The following NOL10 variants were observed in gnomAD, a reference collection of about 807,000 sequenced individuals.
The protein encoded by NOL10 is nucleolar protein 10.
A neutral mutation model predicts 103.5 loss-of-function variants in NOL10; 58 were observed. That is an observed-to-expected ratio of 0.56 (90% CI 0.45 to 0.70). NOL10 has a LOEUF of 0.70. NOL10 is among the 30% of genes least tolerant of loss of function. The pLI, the probability that NOL10 is intolerant of heterozygous loss-of-function variation, is 0.00. For synonymous variants in NOL10, 287 were observed against 282.5 expected (o/e 1.02, Z -0.16); for missense variants, 763 against 807.3 (o/e 0.95, Z 0.67).
At chr2:10,625,730 A>T (rs1677418377) in intron 13 of NOL10, among the ~76,000 whole-genome samples, 1 of 152,164 alleles carries the variant, frequency 6.6e-6, no homozygotes, top group Admixed American at 6.5e-5. Context: ...CCCCACAAAA[A>T]AAAAGCCTGG....
chr2:10,591,880 G>C (rs991967042), intron 17 of NOL10, among the ~76,000 whole-genome samples: 1 of 152,138 alleles, frequency 6.6e-6, no homozygotes, highest in East Asian at 1.9e-4. Context: ...GTGCATGCCT[G>C]TAGTCCCAGC....
intron 8 of NOL10, among the ~76,000 whole-genome samples, chr2:10,666,848 C>T (rs1055751989): frequency 6.6e-6 from 1 of 152,092 alleles, no homozygotes; most frequent in Admixed American, 6.5e-5. Context: ...CCAAACCATT[C>T]AAGTGTTACC....
intron 8 of NOL10, among the ~76,000 whole-genome samples, chr2:10,666,589 A>C (rs1392108116): frequency 6.6e-6 from 1 of 152,166 alleles, no homozygotes; most frequent in Non-Finnish European, 1.5e-5. Context: ...TTGGCCTCCC[A>C]AAGTGCTAGG....
intron 20 of NOL10, among the ~76,000 whole-genome samples, chr2:10,575,394 A>C (rs1467833452): frequency 6.6e-6 from 1 of 152,216 alleles, no homozygotes; most frequent in Non-Finnish European, 1.5e-5. Context: ...TGCCCGAATA[A>C]GTAAAGTTTA....
intron 8 of NOL10, among the ~76,000 whole-genome samples, chr2:10,664,845 T>G (rs560951009): frequency 3.3e-5 from 5 of 152,226 alleles, no homozygotes; most frequent in African/African-American, 1.2e-4. Context: ...AACATTTGTG[T>G]TTTTAAAAAA....
intron 13 of NOL10, among the ~76,000 whole-genome samples, chr2:10,619,161 T>C (rs2148216107): frequency 6.6e-6 from 1 of 152,274 alleles, no homozygotes; most frequent in Non-Finnish European, 1.5e-5. Flanking sequence ...ATTTATGTAT[T>C]TATGAGACAG....
intron 13 of NOL10, among the ~76,000 whole-genome samples, chr2:10,610,271 C>T (rs1676498448): frequency 1.3e-5 from 2 of 152,166 alleles, no homozygotes; most frequent in African/African-American, 2.4e-5. Context: ...AAGGTGAAGG[C>T]AGGAATACTA....
chr2:10,652,422 A>G (rs1679533805), intron 12 of NOL10, among the ~76,000 whole-genome samples: 1 of 152,060 alleles, frequency 6.6e-6, no homozygotes, highest in African/African-American at 2.4e-5. Flanking sequence ...AAGAAAAAAA[A>G]AAGCCATGGA....
In NOL10 at chr2:10,571,886, C is replaced by A; in HGVS notation, c.*185G>T. On this transcript the variant is annotated 3_prime_UTR_variant, in exon 21 of 21. Transcript: ENST00000381685. Reference sequence around the variant, plus strand: ...CACACCCCTGGGGCTGTGCGGTGGCCGTCGGCGGGGCCAGCTTCAAAGTCC... The same window carrying A: ...CACACCCCTGGGGCTGTGCGGTGGCAGTCGGCGGGGCCAGCTTCAAAGTCC... The A allele has an allele frequency of 1.6e-6, 1 of 624,352 alleles. No individual in the cohort carries two copies. Among genetic ancestry groups the A allele is most frequent in the Non-Finnish European group, 2.7e-6 (1 of 370,584 alleles). 38.7% of individuals were successfully genotyped at this position (624,352 alleles called of 1,614,324 possible).
intron 19 of NOL10, among the ~76,000 whole-genome samples, chr2:10,586,924 A>G (rs1377102717): frequency 1.3e-5 from 2 of 150,360 alleles, no homozygotes; most frequent in East Asian, 3.9e-4. Flanking sequence ...TTTTGGGGAT[A>G]TTCTAGGTTC....
In NOL10 at chr2:10,656,842, G is replaced by A. The variant is rs138349305; in HGVS notation, c.906+900C>T. 6.2e-3 allele frequency among the ~76,000 whole-genome samples: 938 copies of A among 152,254 alleles called. 10 individuals are homozygous for A. The highest frequency in any genetic ancestry group is 0.022 in the African/African-American group (918 of 41,540). ...AATGCAAAGAACTCTTAAAAACATA[G>A]CTATACTGAATGCATTTTTCCCATT... On this transcript the variant is annotated intron_variant, in intron 11 of 20. Transcript: ENST00000381685.
At position 10,572,104 on chromosome 2, in the gene NOL10, C is replaced by T. The variant is rs1383218954; in HGVS notation, c.2034G>A (p.Lys678=). 3 of 1,614,008 alleles carry T rather than the reference C, an allele frequency of 1.9e-6. No individual in the cohort carries two copies. The highest frequency in any genetic ancestry group is 2.5e-6 in the Non-Finnish European group (3 of 1,179,914). The change falls in exon 21 of 21, where the codon AAG becomes AAA. Residue 678 remains lysine (K), a synonymous_variant. Coordinates refer to ENST00000381685, the MANE Select transcript of NOL10 (RefSeq NM_024894.4). ...ACGACCGTCCTCTTTTGTGTCTTGA[C>T]TTCAGGTGTCCGGCCGAACGACGGA... ...KRLRRSAGHL[K]SRHKRGRSFH
At chr2:10,595,117 AG>A (rs1206177246) in intron 17 of NOL10, among the ~76,000 whole-genome samples, 1 of 123,228 alleles carries the variant, frequency 8.1e-6, no homozygotes, top group African/African-American at 2.9e-5. Flanking sequence ...GTAGGACTAC[AG>A]GCAAGAGGGA....
At chr2:10,656,845 A>T (rs1220786680) in intron 11 of NOL10, among the ~76,000 whole-genome samples, 1 of 152,250 alleles carries the variant, frequency 6.6e-6, no homozygotes. Flanking sequence ...AAACATAGCT[A>T]TACTGAATGC....
At chr2:10,638,460 A>C (rs1678456000) in intron 13 of NOL10, among the ~76,000 whole-genome samples, 1 of 145,634 alleles carries the variant, frequency 6.9e-6, no homozygotes, top group South Asian at 2.2e-4. Flanking sequence ...AAAACAAAGC[A>C]CATACCCTTA....
At chr2:10,650,712 T>C (rs1433182313) in intron 12 of NOL10, among the ~76,000 whole-genome samples, 2 of 152,106 alleles carry the variant, frequency 1.3e-5, no homozygotes, top group Admixed American at 6.6e-5. Context: ...GCTATAATTG[T>C]GCCACTACAC....
chr2:10,637,529 G>T (rs2148262626), intron 13 of NOL10, among the ~76,000 whole-genome samples: 1 of 152,314 alleles, frequency 6.6e-6, no homozygotes, highest in Admixed American at 6.5e-5. Flanking sequence ...GTTGAACCCT[G>T]TGATGGCGTC....
intron 10 of NOL10, among the ~76,000 whole-genome samples, chr2:10,658,461 A>C (rs1679987789): frequency 6.6e-6 from 1 of 152,180 alleles, no homozygotes; most frequent in African/African-American, 2.4e-5. Flanking sequence ...GTAGGAGGCA[A>C]GTGTACAGGC....
chr2:10,582,425 G>C (rs1056281910), intron 19 of NOL10, among the ~76,000 whole-genome samples: 7 of 152,166 alleles, frequency 4.6e-5, no homozygotes, highest in African/African-American at 1.7e-4. Context: ...TACCCAAGGA[G>C]AGAAGTTATC....
Sources: allele counts gnomAD v4.1 joint callset (sites outside exome capture counted in the v4.1 genomes callset), GRCh38; gene constraint gnomAD v4.1.1; transcripts MANE v1.5; gene names NCBI Gene and HGNC (gene_info 2026-07-23, HGNC 2026-07-21).